Variants in LAMC2 observed in about 807,000 individuals in gnomAD.
LAMC2 encodes laminin subunit gamma-2.
Under a neutral mutation model 140.2 loss-of-function variants are expected in LAMC2, and 97 were observed. The observed-to-expected ratio is 0.69, with a 90% confidence interval of 0.59 to 0.82. The LOEUF is 0.82. Ranked by LOEUF, LAMC2 falls within the 40% of genes least tolerant of loss-of-function variation. The probability of loss-of-function intolerance (pLI) is 0.00; values close to 1 mark genes in which losing one functional copy is unlikely to be tolerated. For missense variants in LAMC2, 1,402 were observed against 1,476.1 expected (o/e 0.95, Z 0.82); for synonymous variants, 513 against 540.2 (o/e 0.95, Z 0.70).
At chr1:183,248,355 A>C (rs201973941), downstream of LAMC2, 3 of 152,664 alleles carry the variant, frequency 2.0e-5, no homozygotes, top group Non-Finnish European at 4.4e-5. Flanking sequence ...TGGTATTGCA[A>C]CTTGAATATC....
the LAMC2 span, among the ~76,000 whole-genome samples, chr1:183,258,272 G>A: frequency 1.3e-5 from 2 of 152,070 alleles, no homozygotes; most frequent in African/African-American, 2.4e-5. Context: ...ATTCATATAC[G>A]CCTCCACATA....
At chr1:183,200,116 C>T (rs1458398168) in intron 1 of LAMC2, among the ~76,000 whole-genome samples, 3 of 152,126 alleles carry the variant, frequency 2.0e-5, no homozygotes, top group East Asian at 1.9e-4. Context: ...GAGGGCCGGG[C>T]GCGGTGGCTC....
intron 14 of LAMC2, among the ~76,000 whole-genome samples, chr1:183,233,403 T>G (rs1659855981): frequency 6.6e-6 from 1 of 152,198 alleles, no homozygotes; most frequent in African/African-American, 2.4e-5. Flanking sequence ...AGTATGATTT[T>G]CTTGATGTAG....
At chr1:183,206,919 C>T (rs1658903981) in intron 1 of LAMC2, among the ~76,000 whole-genome samples, 1 of 152,208 alleles carries the variant, frequency 6.6e-6, no homozygotes, top group African/African-American at 2.4e-5. Context: ...CCTTTCCGAG[C>T]TGCATGTTTC....
At chr1:183,221,073 T>G (rs189686249) in intron 5 of LAMC2, 112 bp downstream of exon 5, 1 of 1,019,108 alleles carries the variant, frequency 9.8e-7, no homozygotes, top group East Asian at 2.5e-5. Flanking sequence ...AATTCTCTTA[T>G]AGTATTGAAT....
intron 20 of LAMC2, 55 bp downstream of exon 20, chr1:183,239,618 T>C: frequency 6.8e-7 from 1 of 1,475,146 alleles, no homozygotes; most frequent in Non-Finnish European, 9.4e-7. Flanking sequence ...ACAAGGGTGG[T>C]GTGGAGGGAA....
Position 183,240,058 on chromosome 1 carries a change from T to C in LAMC2, c.3088T>C (p.Leu1030=). Residue 1030 remains leucine, a synonymous_variant, in exon 21 of 23, where the codon TTG becomes CTG. Coordinates refer to ENST00000264144, the MANE Select transcript of LAMC2 (RefSeq NM_005562.3). ...CTCTCAGGAGATTGGGAGTCTGAAC[T>C]TGGAAGCCAATGTGACAGCAGATGG... ...EIEQEIGSLN[L]EANVTADGAL... 1 of 1,614,088 alleles carries C rather than the reference T, an allele frequency of 6.2e-7. No individual in the cohort carries two copies. Among genetic ancestry groups the C allele is most frequent in the Non-Finnish European group, 8.5e-7 (1 of 1,180,000 alleles).
At chr1:183,239,683 T>C in intron 20 of LAMC2, 120 bp downstream of exon 20, 2 of 838,616 alleles carry the variant, frequency 2.4e-6, no homozygotes, top group Non-Finnish European at 3.8e-6. Context: ...TTGTGGCCCA[T>C]GGGAGCCCCA....
At chr1:183,187,222 A>C (rs1278802504) in intron 1 of LAMC2, among the ~76,000 whole-genome samples, 7 of 152,228 alleles carry the variant, frequency 4.6e-5, no homozygotes, top group Admixed American at 1.3e-4. Flanking sequence ...TGGCGTTTCA[A>C]TCATTCTTTC....
At chr1:183,225,544 T>C in intron 7 of LAMC2, 64 bp from the exon 8 acceptor site, 1 of 1,139,374 alleles carries the variant, frequency 8.8e-7, no homozygotes, top group African/African-American at 1.5e-5. Flanking sequence ...TCAGGCATAA[T>C]TTATAACAGG....
At chr1:183,208,434 C>T (rs904156596) in intron 2 of LAMC2, among the ~76,000 whole-genome samples, 1 of 152,160 alleles carries the variant, frequency 6.6e-6, no homozygotes, top group South Asian at 2.1e-4. Flanking sequence ...TGCACTCTTT[C>T]AGGGATAGTT....
intron 1 of LAMC2, among the ~76,000 whole-genome samples, chr1:183,187,386 G>A (rs1240312267): frequency 6.6e-6 from 1 of 151,962 alleles, no homozygotes; most frequent in African/African-American, 2.4e-5. Flanking sequence ...CATGAATAAT[G>A]TTTGAGCATG....
At chr1:183,190,016 A>G (rs1460963086) in intron 1 of LAMC2, among the ~76,000 whole-genome samples, 4 of 152,186 alleles carry the variant, frequency 2.6e-5, no homozygotes, top group Non-Finnish European at 5.9e-5. Flanking sequence ...TATTTAAATC[A>G]TTGAAGTGGT....
intron 1 of LAMC2, among the ~76,000 whole-genome samples, chr1:183,190,145 T>A (rs1305441308): frequency 6.6e-6 from 1 of 152,210 alleles, no homozygotes; most frequent in African/African-American, 2.4e-5. Context: ...CTACCTCACC[T>A]GTTACTTAGC....
intron 14 of LAMC2, among the ~76,000 whole-genome samples, chr1:183,233,736 A>T (rs1012827138): frequency 9.5e-4 from 140 of 146,802 alleles, no homozygotes; most frequent in Non-Finnish European, 4.3e-4. Context: ...TTTTATTTTT[A>T]TTTTTTTTGG....
At chr1:183,214,892 A>C (rs1292053376) in intron 2 of LAMC2, among the ~76,000 whole-genome samples, 1 of 152,134 alleles carries the variant, frequency 6.6e-6, no homozygotes, top group Non-Finnish European at 1.5e-5. Flanking sequence ...TCATAAGACA[A>C]GTACAGTCCC....
chr1:183,218,331 G>A, intron 3 of LAMC2, 59 bp from the exon 4 acceptor site: 2 of 1,319,180 alleles, frequency 1.5e-6, no homozygotes, highest in African/African-American at 1.4e-5. Context: ...TGATTTTTAT[G>A]TGCATAGTTG....
In LAMC2 at chr1:183,235,743, G is replaced by A; in HGVS notation, c.2456+13G>A. 6.2e-7 allele frequency: 1 copy of A among 1,613,612 alleles called. No homozygotes were observed. The highest frequency in any genetic ancestry group is 1.1e-5 in the South Asian group (1 of 90,996). On this transcript the variant is annotated intron_variant, in intron 16 of 22. Transcript: ENST00000264144. ...GGCTTGTGGAAAAGTACGTTCCTAC[G>A]GGTCCTCCCGTGGCTCATTATACCT...
At position 183,236,311 on chromosome 1, in the gene LAMC2, C is replaced by T. The variant is rs189165711; in HGVS notation, c.2457-149C>T. Reference sequence around the variant, plus strand: ...GGCTGAATTGGGAGGATTGCTTGAGCGTGGGAGGATGAGGCTATAGTGAGC... The same window carrying T: ...GGCTGAATTGGGAGGATTGCTTGAGTGTGGGAGGATGAGGCTATAGTGAGC... On this transcript the variant is annotated intron_variant, in intron 16 of 22. Transcript: ENST00000264144. 446 of 711,220 alleles carry T rather than the reference C, an allele frequency of 6.3e-4. 1 individual carries two copies. Among genetic ancestry groups the T allele is most frequent in the African/African-American group, 5.8e-3 (314 of 54,524 alleles). 44.1% of individuals were successfully genotyped at this position (711,220 alleles called of 1,614,324 possible).
Sources: gnomAD v4.1 joint callset for allele counts (sites outside exome capture counted in the v4.1 genomes callset) on GRCh38, gnomAD v4.1.1 for gene constraint, MANE v1.5 for transcripts, NCBI Gene and HGNC (gene_info 2026-07-23, HGNC 2026-07-21) for gene names.